The following NCOA2 variants were observed in gnomAD, a reference collection of about 807,000 sequenced individuals.
NCOA2 encodes nuclear receptor coactivator 2.
Under a neutral mutation model 145.1 loss-of-function variants are expected in NCOA2, and 21 were observed. The ratio of observed to expected loss-of-function variants is 0.14; its 90% CI spans 0.10 to 0.21. The LOEUF (loss-of-function observed/expected upper bound fraction) is 0.21, where lower values mean the gene tolerates loss of function less well. Ranked by LOEUF, NCOA2 falls within the 10% of genes least tolerant of loss-of-function variation. The pLI, the probability that NCOA2 is intolerant of heterozygous loss-of-function variation, is 1.00. For synonymous variants in NCOA2, 619 were observed against 637.5 expected (o/e 0.97, Z 0.44); for missense variants, 1,472 against 1,837.6 (o/e 0.80, Z 3.64).
chr8:70,403,260 C>A (rs1308311282), intron 1 of NCOA2, among the ~76,000 whole-genome samples: 3 of 151,408 alleles, frequency 2.0e-5, no homozygotes, highest in South Asian at 2.1e-4. Context: ...GACCCCGCAC[C>A]GGGCTGGGCA....
chr8:70,377,329 CTT>C (rs989085812), intron 1 of NCOA2, among the ~76,000 whole-genome samples: 2 of 151,292 alleles, frequency 1.3e-5, no homozygotes, highest in Non-Finnish European at 2.9e-5. Flanking sequence ...AAAAAAAACT[CTT>C]AACAATTCTA....
chr8:70,419,817 A>G, the NCOA2 span, among the ~76,000 whole-genome samples: 1 of 152,334 alleles, frequency 6.6e-6, no homozygotes, highest in African/African-American at 2.4e-5. Flanking sequence ...CCCATTTGCT[A>G]TTGATATAAC....
At chr8:70,357,817 A>G (rs971824355) in intron 1 of NCOA2, among the ~76,000 whole-genome samples, 1 of 152,082 alleles carries the variant, frequency 6.6e-6, no homozygotes, top group Non-Finnish European at 1.5e-5. Flanking sequence ...TTGGGAGGCC[A>G]AGGCGAGTGG....
intron 2 of NCOA2, among the ~76,000 whole-genome samples, chr8:70,221,238 T>C (rs568528927): frequency 2.5e-4 from 38 of 152,306 alleles, no homozygotes; most frequent in Non-Finnish European, 2.8e-4. Context: ...ACATAAAACC[T>C]CACTTAAATA....
chr8:70,258,061 G>A (rs988896287), intron 2 of NCOA2, among the ~76,000 whole-genome samples: 2 of 152,066 alleles, frequency 1.3e-5, no homozygotes, highest in Non-Finnish European at 2.9e-5. Context: ...GGGATCAGAG[G>A]CACACCACCA....
chr8:70,407,263 C>T (rs1008007585), upstream of NCOA2, among the ~76,000 whole-genome samples: 3 of 152,212 alleles, frequency 2.0e-5, no homozygotes, highest in East Asian at 5.8e-4. Flanking sequence ...CTTCTAAATC[C>T]CTTAAATAGT....
At chr8:70,227,436 T>G (rs1198364492) in intron 2 of NCOA2, among the ~76,000 whole-genome samples, 1 of 152,234 alleles carries the variant, frequency 6.6e-6, no homozygotes, top group Non-Finnish European at 1.5e-5. Context: ...GGTGAGTGTG[T>G]AAGAAGTATT....
At chr8:70,283,850 G>A (rs905473739) in intron 2 of NCOA2, among the ~76,000 whole-genome samples, 10 of 152,100 alleles carry the variant, frequency 6.6e-5, no homozygotes, top group South Asian at 2.1e-4. Flanking sequence ...CCTTTTGAGT[G>A]TCATGTTGGT....
At chr8:70,453,254 A>C in the NCOA2 span, among the ~76,000 whole-genome samples, 2 of 152,076 alleles carry the variant, frequency 1.3e-5, no homozygotes, top group Non-Finnish European at 2.9e-5. Flanking sequence ...CCTTCCCCTT[A>C]CCCTGGCGTT....
chr8:70,192,376 A>T (rs1330262684), intron 4 of NCOA2, among the ~76,000 whole-genome samples: 5 of 152,238 alleles, frequency 3.3e-5, no homozygotes, highest in Non-Finnish European at 5.9e-5. Flanking sequence ...CAGAATGGGA[A>T]GCAGGTGACT....
chr8:70,423,621 G>C, the NCOA2 span, among the ~76,000 whole-genome samples: 8 of 152,120 alleles, frequency 5.3e-5, no homozygotes, highest in Non-Finnish European at 1.2e-4. Flanking sequence ...CCTAATGAGG[G>C]GGAAGGAAGA....
chr8:70,121,447 C>T, intron 21 of NCOA2, 56 bp from the exon 22 acceptor site: 1 of 1,422,382 alleles, frequency 7.0e-7, no homozygotes, highest in Non-Finnish European at 9.8e-7. Context: ...CAAGAGTGCA[C>T]TGGAAAACAA....
chr8:70,286,806 T>C (rs1285278648), intron 2 of NCOA2, among the ~76,000 whole-genome samples: 1 of 152,064 alleles, frequency 6.6e-6, no homozygotes, highest in Non-Finnish European at 1.5e-5. Context: ...TATATATATT[T>C]AAAACAAAAC....
intron 19 of NCOA2, among the ~76,000 whole-genome samples, chr8:70,125,358 C>T (rs185464409): frequency 2.0e-3 from 306 of 152,186 alleles, no homozygotes; most frequent in African/African-American, 7.0e-3. Context: ...ACCTCCTGGG[C>T]GCAAAGGATC....
At chr8:70,427,494 C>CTTTTAGTATGAATGCTTT in the NCOA2 span, among the ~76,000 whole-genome samples, 61,611 of 151,860 alleles carry the variant, frequency 0.41, 13,204 homozygotes, top group South Asian at 0.57. Flanking sequence ...CTCAGATTAT[C>CTTTTAGTATGAATGCTTT]TATTGGTCAG....
intron 13 of NCOA2, among the ~76,000 whole-genome samples, chr8:70,144,331 C>G (rs770233732): frequency 1.2e-3 from 183 of 152,276 alleles, no homozygotes; most frequent in Non-Finnish European, 1.5e-3. Flanking sequence ...TAAATTATCC[C>G]TGGAGTAATT....
At chr8:70,127,422 G>C (rs1585743743) in intron 18 of NCOA2, among the ~76,000 whole-genome samples, 2 of 152,330 alleles carry the variant, frequency 1.3e-5, no homozygotes, top group East Asian at 3.9e-4. Context: ...TGACATTCAA[G>C]TCTATAGAGA....
At chr8:70,428,338 T>C in the NCOA2 span, among the ~76,000 whole-genome samples, 12 of 152,118 alleles carry the variant, frequency 7.9e-5, no homozygotes, top group African/African-American at 2.9e-4. Context: ...CATGCACCTA[T>C]AATTTCAGCT....
At chr8:70,420,837 G>T in the NCOA2 span, among the ~76,000 whole-genome samples, 1 of 152,060 alleles carries the variant, frequency 6.6e-6, no homozygotes, top group Non-Finnish European at 1.5e-5. Flanking sequence ...TAGAGACGGG[G>T]TTTCACCATG....
Sources: allele counts gnomAD v4.1 joint callset (sites outside exome capture counted in the v4.1 genomes callset), GRCh38; gene constraint gnomAD v4.1.1; transcripts MANE v1.5; gene names NCBI Gene and HGNC (gene_info 2026-07-23, HGNC 2026-07-21).